ROBO2: variants seen among roughly 807,000 people sequenced by gnomAD.
The protein encoded by ROBO2 is roundabout guidance receptor 2.
In ROBO2, 53 loss-of-function variants were observed where a neutral mutation model predicts 160.8. The observed-to-expected ratio is 0.33, with a 90% confidence interval of 0.26 to 0.41. ROBO2 has a LOEUF of 0.41. Ranked by LOEUF, ROBO2 falls within the 10% of genes least tolerant of loss-of-function variation. The pLI is 1.00. For synonymous variants in ROBO2, 664 were observed against 611.7 expected (o/e 1.09, Z -1.26); for missense variants, 1,577 against 1,722.4 (o/e 0.92, Z 1.49).
intron 2 of ROBO2, among the ~76,000 whole-genome samples, chr3:76,660,375 G>C (rs189989434): frequency 5.3e-5 from 8 of 152,274 alleles, no homozygotes; most frequent in Admixed American, 4.6e-4. Flanking sequence ...TGAAAGATTA[G>C]TATTAAATCT....
intron 2 of ROBO2, among the ~76,000 whole-genome samples, chr3:76,192,156 A>T (rs947089830): frequency 6.7e-6 from 1 of 150,100 alleles, no homozygotes; most frequent in African/African-American, 2.5e-5. Flanking sequence ...TGCCCTTAGT[A>T]ACCTGACCTT....
At chr3:76,058,703 G>A (rs1359952234) in intron 2 of ROBO2, among the ~76,000 whole-genome samples, 6 of 146,692 alleles carry the variant, frequency 4.1e-5, no homozygotes, top group Non-Finnish European at 7.4e-5. Context: ...CAACGTGCAG[G>A]TTTGTTACAT....
intron 2 of ROBO2, among the ~76,000 whole-genome samples, chr3:77,304,605 A>G (rs1196352931): frequency 6.6e-6 from 1 of 152,148 alleles, no homozygotes; most frequent in Non-Finnish European, 1.5e-5. Context: ...AAGGAGAATG[A>G]TTTTCCATCA....
At chr3:76,978,323 A>G (rs1312548938) in intron 2 of ROBO2, among the ~76,000 whole-genome samples, 1 of 152,158 alleles carries the variant, frequency 6.6e-6, no homozygotes, top group Non-Finnish European at 1.5e-5. Flanking sequence ...TAGCCTCACA[A>G]TGCAAATATT....
intron 2 of ROBO2, among the ~76,000 whole-genome samples, chr3:76,536,846 G>C (rs1164328640): frequency 6.6e-6 from 1 of 152,114 alleles, no homozygotes; most frequent in Non-Finnish European, 1.5e-5. Context: ...AAAGAGCCCA[G>C]ATGCTGACTG....
intron 2 of ROBO2, among the ~76,000 whole-genome samples, chr3:77,438,762 A>G (rs2153550612): frequency 6.6e-6 from 1 of 152,162 alleles, no homozygotes; most frequent in South Asian, 2.1e-4. Context: ...TTTGACCCAC[A>G]GGGTGTTGCT....
intron 2 of ROBO2, among the ~76,000 whole-genome samples, chr3:76,177,228 C>T (rs35623038): frequency 0.37 from 56,431 of 151,910 alleles, 11,381 homozygotes; most frequent in Non-Finnish European, 0.45. Flanking sequence ...TAAGGAGAAA[C>T]ATTTTTTGGA....
chr3:76,344,239 G>A (rs1312501059), intron 2 of ROBO2, among the ~76,000 whole-genome samples: 1 of 152,080 alleles, frequency 6.6e-6, no homozygotes, highest in African/African-American at 2.4e-5. Context: ...ATTACGTTTT[G>A]CTATTCAAGG....
intron 2 of ROBO2, among the ~76,000 whole-genome samples, chr3:76,654,196 G>T (rs551286835): frequency 1.3e-5 from 2 of 152,084 alleles, no homozygotes; most frequent in Non-Finnish European, 2.9e-5. Flanking sequence ...ACTTTAGAAA[G>T]CCGTCATTAA....
rs561905588 is a variant in ROBO2 at position 77,646,073 on chromosome 3, A to G, written c.*18A>G. ...CTTTAGAGTAAATGAGAGGAGACAT[A>G]CAAAGCTGCTCTGAAGGACCATCAG... On this transcript the variant is annotated 3_prime_UTR_variant, in exon 26 of 26. Transcript: ENST00000461745. 22 of 1,590,288 alleles carry G rather than the reference A, an allele frequency of 1.4e-5. No homozygotes were observed. In the South Asian group the frequency reaches 2.1e-4, roughly 15 times the overall value.
In ROBO2 at chr3:76,666,032, T is replaced by TA. The variant is rs2092031251; in HGVS notation, c.110-431982_110-431981insA. Among the ~76,000 whole-genome samples, 3 of 123,008 alleles carry TA rather than the reference T, an allele frequency of 2.4e-5. No individual in the cohort carries two copies. The Admixed American group carries it at 2.5e-4, about 10-fold the overall frequency. The allele number at this position is 123,008 out of a possible 152,430, so 80.7% of individuals were successfully genotyped here. ...ATATACATATTATATATTATATATA[T>TA]TATATATATACTAGATATATGCCTC... On this transcript the variant is annotated intron_variant, in intron 2 of 26. Coordinates refer to the ROBO2 transcript ENST00000487694.
At chr3:77,066,644 A>C (rs1414553032) in intron 1 of ROBO2, among the ~76,000 whole-genome samples, 1 of 152,166 alleles carries the variant, frequency 6.6e-6, no homozygotes, top group East Asian at 1.9e-4. Flanking sequence ...TGTTAATGTT[A>C]AATAGGACAG....
chr3:76,893,291 A>C (rs2074498139), intron 2 of ROBO2, among the ~76,000 whole-genome samples: 1 of 149,314 alleles, frequency 6.7e-6, no homozygotes, highest in Admixed American at 6.8e-5. Flanking sequence ...AAAAAAAACA[A>C]ATTTAGAACT....
chr3:75,973,673 A>G (rs1343514503), intron 2 of ROBO2, among the ~76,000 whole-genome samples: 1 of 151,636 alleles, frequency 6.6e-6, no homozygotes, highest in Admixed American at 6.6e-5. Context: ...AGAAAAGGAA[A>G]CTAATTTTAT....
At chr3:77,374,160 A>T (rs957881084) in intron 2 of ROBO2, among the ~76,000 whole-genome samples, 2 of 119,876 alleles carry the variant, frequency 1.7e-5, no homozygotes, top group Non-Finnish European at 3.4e-5. Context: ...GACAACAGCG[A>T]GACTCCATCA....
At chr3:76,218,099 A>G (rs1028352756) in intron 2 of ROBO2, among the ~76,000 whole-genome samples, 1 of 152,214 alleles carries the variant, frequency 6.6e-6, no homozygotes, top group African/African-American at 2.4e-5. Context: ...AAGACCTTTG[A>G]CGAAATTCAA....
At chr3:76,034,330 CCTT>C (rs934465040) in intron 2 of ROBO2, among the ~76,000 whole-genome samples, 1 of 152,122 alleles carries the variant, frequency 6.6e-6, no homozygotes, top group Non-Finnish European at 1.5e-5. Flanking sequence ...GATATAATCT[CCTT>C]CTCCTCAAGT....
intron 21 of ROBO2, among the ~76,000 whole-genome samples, chr3:77,616,122 T>C (rs963415695): frequency 1.8e-4 from 27 of 152,172 alleles, no homozygotes; most frequent in Non-Finnish European, 3.5e-4. Flanking sequence ...ATATAAGTAT[T>C]ATGGAATTGC....
intron 2 of ROBO2, among the ~76,000 whole-genome samples, chr3:76,253,114 T>C: frequency 6.6e-6 from 1 of 152,034 alleles, no homozygotes; most frequent in Non-Finnish European, 1.5e-5. Flanking sequence ...ACTACAGTCT[T>C]ACCAAGTTGA....
Sources: allele counts gnomAD v4.1 joint callset (sites outside exome capture counted in the v4.1 genomes callset), GRCh38; gene constraint gnomAD v4.1.1; transcripts MANE v1.5; gene names NCBI Gene and HGNC (gene_info 2026-07-23, HGNC 2026-07-21).